The following ACSS3 variants were observed in gnomAD, a reference collection of about 807,000 sequenced individuals.
ACSS3 encodes the protein acyl-CoA synthetase short-chain family member 3, mitochondrial.
A neutral mutation model predicts 84.2 loss-of-function variants in ACSS3; 64 were observed. The observed-to-expected ratio is 0.76, with a 90% CI of 0.62 to 0.94. The LOEUF is 0.94. Among genes scored for constraint, ACSS3 ranks in the 40% least tolerant of loss-of-function variants. ACSS3 has a pLI of 0.00. For missense variants in ACSS3, 815 were observed against 867.6 expected, an observed-to-expected ratio of 0.94 and a Z score of 0.76; for synonymous variants, 317 against 310.1, an observed-to-expected ratio of 1.02 and a Z score of -0.23.
intron 1 of ACSS3, among the ~76,000 whole-genome samples, chr12:81,087,778 T>A (rs189975823): frequency 6.6e-6 from 1 of 152,066 alleles, no homozygotes; most frequent in Non-Finnish European, 1.5e-5. Context: ...CTCTCCCTCC[T>A]TAAGTACAGA....
chr12:81,223,932 G>A (rs2033190633), intron 11 of ACSS3, among the ~76,000 whole-genome samples: 1 of 151,902 alleles, frequency 6.6e-6, no homozygotes, highest in African/African-American at 2.4e-5. Context: ...TTATTTTCCA[G>A]GGTGATGGAC....
chr12:81,162,689 T>A (rs148776432), intron 7 of ACSS3, among the ~76,000 whole-genome samples: 73 of 152,166 alleles, frequency 4.8e-4, no homozygotes, highest in Middle Eastern at 3.4e-3. Flanking sequence ...GTCATTAACA[T>A]GTTGTCCATG....
intron 13 of ACSS3, among the ~76,000 whole-genome samples, chr12:81,250,661 A>G (rs1296483386): frequency 6.6e-6 from 1 of 152,092 alleles, no homozygotes; most frequent in Non-Finnish European, 1.5e-5. Flanking sequence ...TATGTGGGTG[A>G]TTTATTTTTT....
intron 1 of ACSS3, among the ~76,000 whole-genome samples, chr12:81,083,593 C>T (rs1268570988): frequency 6.6e-6 from 1 of 151,772 alleles, no homozygotes; most frequent in Non-Finnish European, 1.5e-5. Flanking sequence ...AACTCCTGAC[C>T]TCGTGATCCG....
At chr12:81,233,570 C>T (rs2033533979) in intron 13 of ACSS3, 99 bp downstream of exon 13, 1 of 1,435,006 alleles carries the variant, frequency 7.0e-7, no homozygotes, top group Admixed American at 2.0e-5. Flanking sequence ...ATTACCACAC[C>T]CTTCATTTGC....
chr12:81,236,309 T>C (rs1387611080), intron 13 of ACSS3, among the ~76,000 whole-genome samples: 1 of 151,532 alleles, frequency 6.6e-6, no homozygotes, highest in Non-Finnish European at 1.5e-5. Flanking sequence ...GGACAAACTT[T>C]AAGTGATTGC....
At chr12:81,081,621 A>G (rs1251990616) in intron 1 of ACSS3, among the ~76,000 whole-genome samples, 3 of 152,138 alleles carry the variant, frequency 2.0e-5, no homozygotes, top group East Asian at 3.9e-4. Context: ...TCACTTTTCT[A>G]TTATATATTG....
chr12:81,242,605 C>T (rs1327006425), intron 13 of ACSS3, among the ~76,000 whole-genome samples: 1 of 148,552 alleles, frequency 6.7e-6, no homozygotes, highest in African/African-American at 2.5e-5. Flanking sequence ...TGCAAAAATC[C>T]TCAATAAAAT....
chr12:81,141,525 T>A (rs1308732766), intron 4 of ACSS3, among the ~76,000 whole-genome samples: 1 of 152,228 alleles, frequency 6.6e-6, no homozygotes, highest in African/African-American at 2.4e-5. Context: ...AAGACATATC[T>A]ATAGAAGTAA....
At position 81,257,940 on chromosome 12, in the gene ACSS3, T is replaced by G. The variant is rs1248085898; in HGVS notation, c.*3018T>G. ...TTGATCTTTAAAAGAAAGAAATTGA[T>G]TTTAGTGATTGAGTGTTATATAATA... On this transcript the variant is annotated 3_prime_UTR_variant, in exon 16 of 16. Transcript: ENST00000548058. The G allele has an allele frequency of 1.3e-5, 2 of 152,188 alleles. No individual in the cohort carries two copies. The highest frequency in any genetic ancestry group is 2.4e-5 in the African/African-American group (1 of 41,458). The allele number at this position is 152,188 out of a possible 1,614,324, so 9.4% of individuals were successfully genotyped here.
rs2034406015 is a variant in ACSS3, at chr12:81,258,310, A to G, written c.*3388A>G. 6.6e-6 allele frequency: 1 copy of G among 152,172 alleles called. No individual in the cohort carries two copies. The highest frequency in any genetic ancestry group is 1.9e-4 in the East Asian group (1 of 5,200). The allele number at this position is 152,172 out of a possible 1,614,324, so 9.4% of individuals were successfully genotyped here. ...ATTGACAATGGAAAGGGTTTCTGTTATCATTACCTTTTGACTGAATCTGTT... is the reference window on the plus strand; with the variant it reads ...ATTGACAATGGAAAGGGTTTCTGTTGTCATTACCTTTTGACTGAATCTGTT... On this transcript the variant is annotated 3_prime_UTR_variant, in exon 16 of 16. Coordinates refer to ENST00000548058, the MANE Select transcript of ACSS3 (RefSeq NM_024560.4).
chr12:81,177,626 C>A (rs7970127), intron 8 of ACSS3, among the ~76,000 whole-genome samples: 98,545 of 151,858 alleles, frequency 0.65, 32,632 homozygotes, highest in Non-Finnish European at 0.73. Context: ...AGAAAAAAAC[C>A]AACAACCCCA....
At chr12:81,181,181 A>G (rs756869099) in intron 8 of ACSS3, among the ~76,000 whole-genome samples, 6 of 152,172 alleles carry the variant, frequency 3.9e-5, no homozygotes, top group Non-Finnish European at 7.3e-5. Context: ...CAAGAACAGT[A>G]GGATCTCTAA....
chr12:81,204,278 TTCCTCCTCTTCTTCCTTCC>T (rs1169710672), intron 9 of ACSS3, among the ~76,000 whole-genome samples: 1 of 80,036 alleles, frequency 1.2e-5, no homozygotes, highest in African/African-American at 4.8e-5. Context: ...CTATTCTTCC[TTCCTCCTCTTCTTCCTTCC>T]TCCTCTTCTT....
At chr12:81,193,011 A>G (rs1243970362) in intron 8 of ACSS3, among the ~76,000 whole-genome samples, 3 of 152,186 alleles carry the variant, frequency 2.0e-5, no homozygotes, top group Non-Finnish European at 4.4e-5. Context: ...GAGAGAGATG[A>G]GAAAGAAATG....
intron 9 of ACSS3, among the ~76,000 whole-genome samples, chr12:81,207,117 C>G (rs945168659): frequency 2.6e-5 from 4 of 152,056 alleles, no homozygotes; most frequent in African/African-American, 9.7e-5. Context: ...TGTTCTAATT[C>G]TCCTCCTACT....
rs1415026690 is a variant in ACSS3 at position 81,258,472 on chromosome 12, A to G, written c.*3550A>G. ...GAAAATCAGCAGTTAGATAAATGGT[A>G]TTATTAAATAGGCTTTACTTTGAAT... On this transcript the variant is annotated 3_prime_UTR_variant, in exon 16 of 16. Transcript: ENST00000548058. 6.6e-6 allele frequency: 1 copy of G among 152,182 alleles called. No individual in the cohort carries two copies. Among genetic ancestry groups the G allele is most frequent in the Non-Finnish European group, 1.5e-5 (1 of 68,036 alleles). The allele number at this position is 152,182 out of a possible 1,614,324, so 9.4% of individuals were successfully genotyped here. A position where few individuals can be genotyped will look rare whatever the true frequency, so the allele number is the denominator to read the frequency against.
chr12:81,147,924 T>C (rs1282558866), intron 5 of ACSS3, among the ~76,000 whole-genome samples: 1 of 151,954 alleles, frequency 6.6e-6, no homozygotes, highest in African/African-American at 2.4e-5. Context: ...TACATACATA[T>C]ACATAAGCAT....
intron 1 of ACSS3, among the ~76,000 whole-genome samples, chr12:81,096,753 G>T (rs369981566): frequency 3.3e-5 from 5 of 152,056 alleles, no homozygotes; most frequent in African/African-American, 1.2e-4. Context: ...TAGTTGCTGA[G>T]AATGATGGTT....
Sources: allele counts gnomAD v4.1 joint callset (sites outside exome capture counted in the v4.1 genomes callset), GRCh38; gene constraint gnomAD v4.1.1; transcripts MANE v1.5; gene names NCBI Gene and HGNC (gene_info 2026-07-23, HGNC 2026-07-21).